Variants in IQGAP1 observed in about 807,000 individuals in gnomAD.
IQGAP1 encodes the protein IQ motif containing GTPase activating protein 1.
A neutral mutation model predicts 215.6 loss-of-function variants in IQGAP1; 66 were observed. That is an observed-to-expected ratio of 0.31 (90% CI 0.25 to 0.38). The LOEUF is 0.38. Among genes scored for constraint, IQGAP1 ranks in the 10% least tolerant of loss-of-function variants. The pLI is 1.00. For missense variants in IQGAP1, 1,712 were observed against 1,997.1 expected (o/e 0.86, Z 2.72); for synonymous variants, 772 against 728.7 (o/e 1.06, Z -0.96).
chr15:90,415,962 A>G (rs756951987), intron 2 of IQGAP1, among the ~76,000 whole-genome samples: 1 of 111,436 alleles, frequency 9.0e-6, no homozygotes, highest in African/African-American at 4.6e-5. Flanking sequence ...TGAATGTGCC[A>G]TTTGTTTTCA....
At chr15:90,469,499 G>A (rs1190520413) in intron 18 of IQGAP1, among the ~76,000 whole-genome samples, 1 of 152,200 alleles carries the variant, frequency 6.6e-6, no homozygotes, top group Non-Finnish European at 1.5e-5. Flanking sequence ...TGATTTCACA[G>A]GTGATGAAAT....
chr15:90,450,805 GT>G (rs201504643), intron 11 of IQGAP1, among the ~76,000 whole-genome samples: 2 of 127,392 alleles, frequency 1.6e-5, no homozygotes, highest in East Asian at 2.2e-4. Context: ...TATTTGTGGG[GT>G]TTTTTTTTGT....
chr15:90,441,634 G>C lies in IQGAP1; in HGVS notation c.778G>C (p.Asp260His). 1 of 1,613,800 alleles carries C rather than the reference G, an allele frequency of 6.2e-7. No individual in the cohort carries two copies. Among genetic ancestry groups the C allele is most frequent in the Non-Finnish European group, 8.5e-7 (1 of 1,179,850 alleles). ...AGAGCCCTTGGCATCCACTTACCAGGATATACTTTACCAGGCTAAGCAGGA... is the reference window on the plus strand; with the variant it reads ...AGAGCCCTTGGCATCCACTTACCAGCATATACTTTACCAGGCTAAGCAGGA... ...LEEPLASTYQ[D>H]ILYQAKQDKM... is the part of the protein sequence containing the mutation. Residue 260 changes from aspartate to histidine, a missense_variant, in exon 8 of 38, where the codon GAT (aspartate) becomes CAT (histidine). Around this residue, in one of 2 missense-constraint regions of IQGAP1, gnomAD observed 1,021 missense variants for 1,074.2 expected, o/e 0.95. Coordinates refer to ENST00000268182, the MANE Select transcript of IQGAP1 (RefSeq NM_003870.4).
At position 90,467,915 on chromosome 15, in the gene IQGAP1, T is replaced by C. The variant is rs78509190; in HGVS notation, c.2178+323T>C. On this transcript the variant is annotated intron_variant, in intron 18 of 37. Coordinates refer to ENST00000268182, the MANE Select transcript of IQGAP1 (RefSeq NM_003870.4). ...CCCAGTTTATATTTTCAGTCTCTCT[T>C]CTAACTGTTCCACAAATTATATTAG... Among the ~76,000 whole-genome samples the C allele has an allele frequency of 8.6e-3, 1,315 of 152,346 alleles. 39 individuals are homozygous for C. In the East Asian group the frequency reaches 0.11, roughly 12 times the overall value.
In IQGAP1 at chr15:90,481,980, C is replaced by A. The variant is rs1053680922; in HGVS notation, c.3350C>A (p.Thr1117Asn). The change falls in exon 27 of 38, where the codon ACC becomes AAC. Residue 1117 changes from threonine (T) to asparagine (N), a missense_variant. Physicochemically the swap from Thr to Asn is moderately conservative, Grantham distance 65. This residue lies in a region of IQGAP1 where 691 missense variants were observed against 923.0 expected (regional missense o/e 0.75). Transcript: ENST00000268182. ...GEASKLPYDV[T>N]PEQALAHEEV... Reference sequence around the variant, plus strand: ...CCCAGCAAACTGCCCTATGATGTGACCCCTGAGCAGGCGCTAGCTCATGAA... The same window carrying A: ...CCCAGCAAACTGCCCTATGATGTGAACCCTGAGCAGGCGCTAGCTCATGAA... 1 of 1,614,206 alleles carries A rather than the reference C, an allele frequency of 6.2e-7. No individual in the cohort carries two copies. Among genetic ancestry groups the A allele is most frequent in the Non-Finnish European group, 8.5e-7 (1 of 1,180,046 alleles).
chr15:90,482,857 C>A (rs775556846), intron 28 of IQGAP1: 11 of 411,602 alleles, frequency 2.7e-5, no homozygotes, highest in Non-Finnish European at 3.7e-5. Context: ...ATTTCAGAGG[C>A]ATGAACTTGG....
At chr15:90,396,082 G>GAA (rs1964715047) in intron 2 of IQGAP1, among the ~76,000 whole-genome samples, 1 of 152,208 alleles carries the variant, frequency 6.6e-6, no homozygotes, top group Non-Finnish European at 1.5e-5. Flanking sequence ...GCACTAAGTA[G>GAA]AAGTATGTCA....
intron 35 of IQGAP1, 99 bp from the exon 36 acceptor site, chr15:90,494,614 C>G (rs1315778377): frequency 2.0e-6 from 2 of 1,007,544 alleles, no homozygotes; most frequent in Non-Finnish European, 1.4e-6. Flanking sequence ...ATGCTTATGT[C>G]TGGAAGTTTG....
intron 10 of IQGAP1, among the ~76,000 whole-genome samples, chr15:90,448,937 T>TC (rs1965562582): frequency 1.3e-5 from 2 of 152,180 alleles, no homozygotes; most frequent in Admixed American, 1.3e-4. Flanking sequence ...CTATGAATCC[T>TC]CTTTTAAGAT....
chr15:90,433,589 C>G, intron 4 of IQGAP1, 130 bp from the exon 5 acceptor site: 1 of 471,686 alleles, frequency 2.1e-6, no homozygotes, highest in Non-Finnish European at 4.1e-6. Context: ...TGAATGCCAC[C>G]GATGTTTTCT....
chr15:90,442,844 C>T (rs1328161690), intron 8 of IQGAP1, among the ~76,000 whole-genome samples: 5 of 152,080 alleles, frequency 3.3e-5, no homozygotes, highest in South Asian at 2.1e-4. Context: ...TGATGGTGCA[C>T]GCCTGTAGTC....
At chr15:90,388,526 T>G in intron 1 of IQGAP1, 130 bp downstream of exon 1, 137 of 597,880 alleles carry the variant, frequency 2.3e-4, no homozygotes, top group Middle Eastern at 5.3e-4. Context: ...GGAAGAGCCG[T>G]CCCGGTGGGG....
chr15:90,472,416 G>A (rs1412799600), intron 18 of IQGAP1, among the ~76,000 whole-genome samples: 1 of 152,108 alleles, frequency 6.6e-6, no homozygotes, highest in East Asian at 1.9e-4. Context: ...GCAATTTTCA[G>A]TCCTCACCTC....
At chr15:90,411,165 C>A (rs1300059978) in intron 2 of IQGAP1, among the ~76,000 whole-genome samples, 1 of 152,234 alleles carries the variant, frequency 6.6e-6, no homozygotes, top group Non-Finnish European at 1.5e-5. Context: ...ATCCTTACCC[C>A]AGGTCTAAGT....
chr15:90,418,471 C>T (rs1244006610), intron 2 of IQGAP1, among the ~76,000 whole-genome samples: 3 of 151,848 alleles, frequency 2.0e-5, no homozygotes, highest in Non-Finnish European at 4.4e-5. Context: ...ACCTGTGGTC[C>T]CAGCTACTCA....
intron 34 of IQGAP1, among the ~76,000 whole-genome samples, chr15:90,491,945 A>G (rs913504299): frequency 2.0e-5 from 3 of 152,220 alleles, no homozygotes; most frequent in African/African-American, 7.2e-5. Context: ...TTGCACTAAG[A>G]TAATATTATG....
At chr15:90,489,622 G>A (rs889055374) in intron 33 of IQGAP1, among the ~76,000 whole-genome samples, 2 of 152,194 alleles carry the variant, frequency 1.3e-5, no homozygotes, top group African/African-American at 4.8e-5. Flanking sequence ...ATAGGACTCT[G>A]TGATGCCTCT....
At chr15:90,470,200 C>T (rs1334483841) in intron 18 of IQGAP1, among the ~76,000 whole-genome samples, 1 of 152,212 alleles carries the variant, frequency 6.6e-6, no homozygotes, top group Non-Finnish European at 1.5e-5. Flanking sequence ...CCACTCTACT[C>T]ACCACTCTGT....
chr15:90,499,951 ACTGT>A (rs201766044), intron 37 of IQGAP1, 40 bp from the exon 38 acceptor site: 212,312 of 1,175,482 alleles, frequency 0.18, 18,568 homozygotes, highest in South Asian at 0.24. Context: ...GACTTGATTA[ACTGT>A]CAAAATGTTT....
Sources: gnomAD v4.1 joint callset for allele counts (sites outside exome capture counted in the v4.1 genomes callset) on GRCh38, gnomAD v4.1.1 for gene constraint, gnomAD v4.1.1 regional missense constraint, MANE v1.5 for transcripts, NCBI Gene and HGNC (gene_info 2026-07-23, HGNC 2026-07-21) for gene names.